The following STRA8 variants were observed in gnomAD, a reference collection of about 807,000 sequenced individuals.
STRA8 encodes stimulated by retinoic acid gene 8 protein homolog.
A neutral mutation model predicts 37.1 loss-of-function variants in STRA8; 18 were observed. The ratio of observed to expected loss-of-function variants is 0.48; its 90% CI spans 0.34 to 0.72. The LOEUF (loss-of-function observed/expected upper bound fraction) is 0.72. Among genes scored for constraint, STRA8 ranks in the 30% least tolerant of loss-of-function variants. The pLI, the probability that STRA8 is intolerant of heterozygous loss-of-function variation, is 0.01. For synonymous variants in STRA8, 168 were observed against 162.9 expected (o/e 1.03, Z -0.24); for missense variants, 357 against 410.4 (o/e 0.87, Z 1.13).
At chr7:135,239,057 T>C (rs1832421122) in intron 1 of STRA8, among the ~76,000 whole-genome samples, 1 of 152,230 alleles carries the variant, frequency 6.6e-6, no homozygotes, top group Non-Finnish European at 1.5e-5. Flanking sequence ...GACCAGATTA[T>C]TGATGAGAAG....
chr7:135,252,574 G>A (rs1832652433), intron 7 of STRA8, among the ~76,000 whole-genome samples: 1 of 152,154 alleles, frequency 6.6e-6, no homozygotes, highest in Non-Finnish European at 1.5e-5. Flanking sequence ...GACACTATCT[G>A]TGGCATCTTC....
chr7:135,257,158 G>A (rs1296747739), intron 8 of STRA8, among the ~76,000 whole-genome samples: 6 of 152,190 alleles, frequency 3.9e-5, no homozygotes, highest in African/African-American at 1.4e-4. Flanking sequence ...GTTTGTGGAG[G>A]TCGTCCCCAC....
At chr7:135,233,605 C>G (rs1832323386), upstream of STRA8, among the ~76,000 whole-genome samples, 1 of 152,142 alleles carries the variant, frequency 6.6e-6, no homozygotes, top group South Asian at 2.1e-4. Context: ...CTCCCTGACC[C>G]CTCGCGACCC....
upstream of STRA8, among the ~76,000 whole-genome samples, chr7:135,232,800 G>C (rs1243726025): frequency 6.6e-6 from 1 of 152,154 alleles, no homozygotes; most frequent in East Asian, 1.9e-4. Flanking sequence ...CTCGTTGATA[G>C]TCCTCTCAGT....
rs1832450911 is a variant in STRA8, at chr7:135,240,690, T to G, written c.166T>G (p.Ser56Ala). The change falls in exon 2 of 9, where the codon TCT becomes GCT. Residue 56 changes from serine to alanine, a missense_variant. By Grantham distance (99) the Ser-to-Ala change is moderately conservative. Transcript: ENST00000662584. ...CAACAACCTCAGGAAGACAGTGTACTCTCAGTCTGATCTCATAGCCTCAAA... is the reference window on the plus strand; with the variant it reads ...CAACAACCTCAGGAAGACAGTGTACGCTCAGTCTGATCTCATAGCCTCAAA... ...LFNNLRKTVY[S>A]QSDLIASKWQ... 7 of 1,613,990 alleles carry G rather than the reference T, an allele frequency of 4.3e-6. No homozygotes were observed. The highest frequency in any genetic ancestry group is 5.9e-6 in the Non-Finnish European group (7 of 1,179,982).
rs1005755584 is a variant in STRA8, at chr7:135,246,030, G to A, written c.594-387G>A. ...AGCAGGAGGCTCTCTCCACAGCCGA[G>A]CCTGACTTTCGGGCTGCAGGTTAAA... On this transcript the variant is annotated intron_variant, in intron 5 of 8. Transcript: ENST00000662584. This position sits in a 1 kb window ranked among gnomAD's most constrained non-coding sequence, Gnocchi z 5.4. The A allele has an allele frequency of 3.7e-5, 10 of 269,666 alleles. No individual in the cohort carries two copies. Among genetic ancestry groups the A allele is most frequent in the Middle Eastern group, 1.2e-3 (1 of 810 alleles). The allele number at this position is 269,666 out of a possible 1,614,324, so 16.7% of individuals were successfully genotyped here.
Position 135,240,657 on chromosome 7 carries a change from G to C in STRA8, c.133G>C (p.Ala45Pro). The C allele has an allele frequency of 6.2e-7, 1 of 1,614,150 alleles. No individual in the cohort carries two copies. Among genetic ancestry groups the C allele is most frequent in the South Asian group, 1.1e-5 (1 of 91,078 alleles). Reference sequence around the variant, plus strand: ...GGCCCGCCACCGAGCCACCCTGGCAGCGCTCTTCAACAACCTCAGGAAGAC... The same window carrying C: ...GGCCCGCCACCGAGCCACCCTGGCACCGCTCTTCAACAACCTCAGGAAGAC... ...SQARHRATLAALFNNLRKTVY... is the reference protein window; with the variant it reads ...SQARHRATLAPLFNNLRKTVY... Residue 45 changes from alanine (A) to proline (P), a missense_variant, in exon 2 of 9, where the codon GCG becomes CCG. Coordinates refer to ENST00000662584, the MANE Select transcript of STRA8 (RefSeq NM_001394401.1).
upstream of STRA8, among the ~76,000 whole-genome samples, chr7:135,232,470 C>G (rs1832307805): frequency 6.6e-6 from 1 of 152,008 alleles, no homozygotes; most frequent in Non-Finnish European, 1.5e-5. Context: ...CTAGAAAGGC[C>G]TGTCTCTACA....
In STRA8 at chr7:135,240,643, G is replaced by A. The variant is rs765782279; in HGVS notation, c.119G>A (p.Arg40Gln). 8 of 1,614,138 alleles carry A rather than the reference G, an allele frequency of 5.0e-6. No homozygotes were observed. The highest frequency in any genetic ancestry group is 6.8e-6 in the Non-Finnish European group (8 of 1,180,022). ...ARRRLSQARH[R>Q]ATLAALFNNL... ...AGACGGCTGTCCCAGGCCCGCCACC[G>A]AGCCACCCTGGCAGCGCTCTTCAAC... is the stretch of plus-strand genomic sequence containing the variant. Residue 40 changes from arginine to glutamine, a missense_variant, in exon 2 of 9, where the codon CGA becomes CAA. Transcript: ENST00000662584.
rs1832552843 is a variant in STRA8 at position 135,246,344 on chromosome 7, C to T, written c.594-73C>T. ...GGCCGGGCCTGCGTGCTGGGGTCCA[C>T]ACCATGAACCGAATCCCGAATCGCT... On this transcript the variant is annotated intron_variant, in intron 5 of 8. Coordinates refer to ENST00000662584, the MANE Select transcript of STRA8 (RefSeq NM_001394401.1). The surrounding 1 kb of genome is among the most constrained non-coding windows in gnomAD (Gnocchi z 5.4). 5.2e-6 allele frequency: 8 copies of T among 1,547,738 alleles called. No individual in the cohort carries two copies. Among genetic ancestry groups the T allele is most frequent in the Middle Eastern group, 3.3e-4 (2 of 5,976 alleles).
intron 1 of STRA8, among the ~76,000 whole-genome samples, chr7:135,238,021 A>G (rs569564196): frequency 6.6e-6 from 1 of 152,342 alleles, no homozygotes; most frequent in South Asian, 2.1e-4. Flanking sequence ...CCTTGTGCGG[A>G]TCATACATAG....
rs752582764 is a variant in STRA8 at position 135,242,870 on chromosome 7, A to G, written c.268+14A>G. ...TGAAGCTGAAAGGTAATGGAGCACT[A>G]CTTGCCAACCCCATCTCCCTCCCTG... On this transcript the variant is annotated intron_variant, in intron 3 of 8. Transcript: ENST00000662584. 6.2e-7 allele frequency: 1 copy of G among 1,613,906 alleles called. No homozygotes were observed. The highest frequency in any genetic ancestry group is 1.3e-5 in the African/African-American group (1 of 75,072).
At chr7:135,238,240 G>A (rs1218300622) in intron 1 of STRA8, among the ~76,000 whole-genome samples, 2 of 152,196 alleles carry the variant, frequency 1.3e-5, no homozygotes, top group Non-Finnish European at 2.9e-5. Context: ...CCTGACCAGG[G>A]GGCGCCTGGG....
chr7:135,248,396 G>A (rs1209754002), intron 6 of STRA8, among the ~76,000 whole-genome samples: 2 of 2,542 alleles, frequency 7.9e-4, no homozygotes, highest in East Asian at 0.17. Context: ...ATCACCTGTG[G>A]AGTTTTTTTT....
chr7:135,234,021 T>C (rs1166208918), intron 1 of STRA8, among the ~76,000 whole-genome samples, 118 bp downstream of exon 1: 1 of 152,166 alleles, frequency 6.6e-6, no homozygotes, highest in Non-Finnish European at 1.5e-5. Context: ...AGCGCGGGGT[T>C]CACAGGAGCC....
chr7:135,240,570 C>A lies in STRA8; in HGVS notation c.46C>A (p.Pro16Thr), dbSNP rs148605566. The change falls in exon 2 of 9, where the codon CCC (proline) becomes ACC (threonine). Residue 16 changes from proline to threonine, a missense_variant. Pro to Thr is a conservative substitution (Grantham distance 38, BLOSUM62 -1). Coordinates refer to ENST00000662584, the MANE Select transcript of STRA8 (RefSeq NM_001394401.1). Reference sequence around the variant, plus strand: ...CAGCAATCCCCATGACAGAGCAACACCCCAGCTGCCAGCACAGCTGCAGGA... The same window carrying A: ...CAGCAATCCCCATGACAGAGCAACAACCCAGCTGCCAGCACAGCTGCAGGA... Reference protein sequence around the residue: ...ENSNPHDRATPQLPAQLQELE... With the variant: ...ENSNPHDRATTQLPAQLQELE... The A allele has an allele frequency of 2.5e-4, 409 of 1,614,166 alleles. 1 individual carries two copies. The African/African-American group carries it at 4.7e-3, about 19-fold the overall frequency.
intron 7 of STRA8, among the ~76,000 whole-genome samples, chr7:135,252,185 T>C (rs564581860): frequency 1.3e-5 from 2 of 152,180 alleles, no homozygotes; most frequent in East Asian, 3.9e-4. Context: ...GACTCACAGT[T>C]CCACAGGCTG....
intron 1 of STRA8, among the ~76,000 whole-genome samples, chr7:135,239,021 C>T (rs182412640): frequency 2.8e-4 from 42 of 152,310 alleles, no homozygotes; most frequent in Non-Finnish European, 4.3e-4. Flanking sequence ...AAAAGCAAAA[C>T]AAGGGAAAGT....
At chr7:135,235,179 C>A (rs149204522) in intron 1 of STRA8, among the ~76,000 whole-genome samples, 3 of 152,042 alleles carry the variant, frequency 2.0e-5, no homozygotes, top group African/African-American at 7.3e-5. Flanking sequence ...GGCAGCAATA[C>A]GTTTTTTAAA....
Sources: gnomAD v4.1 joint callset for allele counts (sites outside exome capture counted in the v4.1 genomes callset) on GRCh38, gnomAD v4.1.1 for gene constraint, Gnocchi (gnomAD v3.1) non-coding constraint, MANE v1.5 for transcripts, NCBI Gene and HGNC (gene_info 2026-07-23, HGNC 2026-07-21) for gene names.